WHRN: variants seen among roughly 807,000 people sequenced by gnomAD.
WHRN encodes the protein CASK-interacting protein CIP98.
In WHRN, 41 loss-of-function variants were observed where a neutral mutation model predicts 68.3. The observed-to-expected ratio is 0.60, with a 90% confidence interval of 0.47 to 0.78. WHRN has a LOEUF of 0.78. Ranked by LOEUF, WHRN falls within the 30% of genes least tolerant of loss-of-function variation. The pLI, the probability that WHRN is intolerant of heterozygous loss-of-function variation, is 0.00. For synonymous variants in WHRN, 560 were observed against 561.3 expected, an observed-to-expected ratio of 1.00 and a Z score of 0.03; for missense variants, 1,243 against 1,244.7, an observed-to-expected ratio of 1.00 and a Z score of 0.02.
chr9:114,427,379 A>G (rs542644527), intron 3 of WHRN, among the ~76,000 whole-genome samples: 1 of 152,356 alleles, frequency 6.6e-6, no homozygotes, highest in South Asian at 2.1e-4. Context: ...GCTGCAGGGT[A>G]TGATGGGACC....
At chr9:114,492,171 G>A (rs1843037591) in intron 1 of WHRN, among the ~76,000 whole-genome samples, 1 of 152,086 alleles carries the variant, frequency 6.6e-6, no homozygotes, top group African/African-American at 2.4e-5. Context: ...GCTGTTAAAC[G>A]CTGGTGGGAG....
intron 3 of WHRN, among the ~76,000 whole-genome samples, chr9:114,432,280 G>A (rs1837490129): frequency 6.6e-6 from 1 of 152,224 alleles, no homozygotes. Context: ...CCAACCACCA[G>A]TAAGCAGAGA....
In WHRN at chr9:114,505,284, C is replaced by T. The variant is rs886063374; in HGVS notation, c.-483G>A. 59 of 154,732 alleles carry T rather than the reference C, an allele frequency of 3.8e-4. No individual in the cohort carries two copies. Among genetic ancestry groups the T allele is most frequent in the Non-Finnish European group, 6.3e-4 (44 of 69,854 alleles). The allele number at this position is 154,732 out of a possible 1,614,324, so 9.6% of individuals were successfully genotyped here. ...GGGACCCCAAAGTCAGAAGTTGGGG[C>T]GGAGGGCGCTCTAGTCCCAGAGCAC... is the stretch of plus-strand genomic sequence containing the variant. On this transcript the variant is annotated 5_prime_UTR_variant, in exon 1 of 12. Transcript: ENST00000362057.
Position 114,403,272 on chromosome 9 carries a change from G to A in WHRN, c.2486C>T (p.Ala829Val). ...GCGGGTGTTGGCGCCACCCTCGATG[G>A]CGATGCCCAGGGTGGCCGCACTTTT... Reference protein sequence around the residue: ...VKKSAATLGIAIEGGANTRQP... With the variant: ...VKKSAATLGIVIEGGANTRQP... The change falls in exon 11 of 12, where the codon GCC (alanine) becomes GTC (valine). Residue 829 changes from alanine (A) to valine (V), a missense_variant. Ala to Val is a moderately conservative substitution (Grantham distance 64). Transcript: ENST00000362057. 1.9e-6 allele frequency: 3 copies of A among 1,614,168 alleles called. No individual in the cohort carries two copies. The highest frequency in any genetic ancestry group is 2.5e-6 in the Non-Finnish European group (3 of 1,180,036).
intron 1 of WHRN, among the ~76,000 whole-genome samples, chr9:114,486,899 TG>T (rs1564216925): frequency 7.2e-5 from 6 of 82,788 alleles, no homozygotes; most frequent in African/African-American, 2.0e-4. Context: ...TGTGTGTGTG[TG>T]TGTGTAGAGT....
chr9:114,491,417 ATCAG>A (rs1439663552), intron 1 of WHRN: 2 of 152,270 alleles, frequency 1.3e-5, no homozygotes, highest in African/African-American at 4.8e-5. Context: ...GGCACAGGAT[ATCAG>A]TCAGTTATGC....
intron 3 of WHRN, among the ~76,000 whole-genome samples, chr9:114,437,545 C>T (rs1261422036): frequency 6.6e-6 from 1 of 152,120 alleles, no homozygotes; most frequent in Admixed American, 6.5e-5. Context: ...GAAGATAGGG[C>T]CTGTGAGGAG....
intron 1 of WHRN, among the ~76,000 whole-genome samples, chr9:114,490,244 AAC>A (rs1298579096): frequency 1.3e-5 from 2 of 152,242 alleles, no homozygotes; most frequent in African/African-American, 4.8e-5. Context: ...AGGATCATTA[AAC>A]GCAATGACAA....
chr9:114,502,054 C>A lies in WHRN; in HGVS notation c.618+2130G>T, dbSNP rs138546125. On this transcript the variant is annotated intron_variant, in intron 1 of 11. Transcript: ENST00000362057. ...CGCCTCCTCCATTTTAAAATTCCAC[C>A]CACCAAAGAAAAGTCTGTCCTCTTT... Among the ~76,000 whole-genome samples, 33 of 152,294 alleles carry A rather than the reference C, an allele frequency of 2.2e-4. No homozygotes were observed. The East Asian group carries it at 6.4e-3, about 29-fold the overall frequency.
At position 114,463,544 on chromosome 9, in the gene WHRN, AGTTT is replaced by A. The variant is rs1311834142; in HGVS notation, c.963+2719_963+2722del. ...TGGAGAAACTGTGAATAAGGCCTGTAGTTTGTTTAACAATATTGTACTGATGTTA... is the reference window on the plus strand; with the variant it reads ...TGGAGAAACTGTGAATAAGGCCTGTAGTTTAACAATATTGTACTGATGTTA... On this transcript the variant is annotated intron_variant, in intron 3 of 11. Coordinates refer to ENST00000362057, the MANE Select transcript of WHRN (RefSeq NM_015404.4). 5.9e-5 allele frequency among the ~76,000 whole-genome samples: 9 copies of A among 152,328 alleles called. No individual in the cohort carries two copies. In the South Asian group the frequency reaches 1.0e-3, roughly 18 times the overall value.
intron 1 of WHRN, among the ~76,000 whole-genome samples, chr9:114,481,633 G>A (rs891486817): frequency 1.3e-5 from 2 of 152,146 alleles, no homozygotes; most frequent in Admixed American, 6.5e-5. Context: ...TTCCATGAGG[G>A]CACAGCTCCC....
chr9:114,488,397 G>A (rs1213731549), intron 1 of WHRN, among the ~76,000 whole-genome samples: 2 of 152,176 alleles, frequency 1.3e-5, no homozygotes, highest in African/African-American at 4.8e-5. Context: ...ATTCTAGGTG[G>A]TGAAGTGTCT....
intron 7 of WHRN, among the ~76,000 whole-genome samples, chr9:114,412,470 C>T (rs1835516862): frequency 6.6e-6 from 1 of 152,184 alleles, no homozygotes; most frequent in Non-Finnish European, 1.5e-5. Context: ...TTCACCCACT[C>T]TACAGCTGAG....
intron 7 of WHRN, among the ~76,000 whole-genome samples, chr9:114,422,722 C>G (rs749710491): frequency 6.6e-6 from 1 of 152,028 alleles, no homozygotes; most frequent in Non-Finnish European, 1.5e-5. Context: ...GTAATCCCAG[C>G]TACTCAAGAG....
intron 2 of WHRN, among the ~76,000 whole-genome samples, chr9:114,471,992 T>C (rs1021974335): frequency 6.6e-6 from 1 of 152,140 alleles, no homozygotes; most frequent in Non-Finnish European, 1.5e-5. Flanking sequence ...ACTCACTCCC[T>C]AGCAAACCAG....
rs1836629664 is a variant in WHRN at position 114,424,500 on chromosome 9, C to T, written c.1250G>A (p.Ser417Asn). 6.2e-7 allele frequency: 1 copy of T among 1,614,014 alleles called. No individual in the cohort carries two copies. Among genetic ancestry groups the T allele is most frequent in the Non-Finnish European group, 8.5e-7 (1 of 1,179,948 alleles). ...GPAGSQVTLS[S>N]LGNQTRVLLE... ...CAGCACTCGTGTCTGGTTCCCCAGG[C>T]TGCTCAGGGTCACCTGGGAGCCGGC... The change falls in exon 6 of 12, where the codon AGC becomes AAC. Residue 417 changes from serine (S) to asparagine (N), a missense_variant. Transcript: ENST00000362057.
At chr9:114,428,772 C>CT (rs1336337012) in intron 3 of WHRN, among the ~76,000 whole-genome samples, 1 of 152,096 alleles carries the variant, frequency 6.6e-6, no homozygotes, top group African/African-American at 2.4e-5. Flanking sequence ...TCAACTCTGC[C>CT]TTTACCCCCC....
intron 3 of WHRN, among the ~76,000 whole-genome samples, chr9:114,439,286 T>C (rs745969514): frequency 6.6e-6 from 1 of 152,158 alleles, no homozygotes; most frequent in African/African-American, 2.4e-5. Context: ...AAATGAACCT[T>C]GTTCATATGA....
intron 2 of WHRN, among the ~76,000 whole-genome samples, chr9:114,477,089 G>A (rs534176674): frequency 2.6e-5 from 4 of 152,220 alleles, no homozygotes; most frequent in East Asian, 1.9e-4. Context: ...GACGCGGCCC[G>A]GGCTGCTGTG....
Sources: gnomAD v4.1 joint callset for allele counts (sites outside exome capture counted in the v4.1 genomes callset) on GRCh38, gnomAD v4.1.1 for gene constraint, MANE v1.5 for transcripts, NCBI Gene and HGNC (gene_info 2026-07-23, HGNC 2026-07-21) for gene names.